Variants in AP2B1 observed in about 807,000 individuals in gnomAD.
AP2B1 encodes AP-2 complex subunit beta.
A neutral mutation model predicts 102.0 loss-of-function variants in AP2B1; 23 were observed. The observed-to-expected ratio is 0.23, with a 90% CI of 0.16 to 0.32. The LOEUF (loss-of-function observed/expected upper bound fraction) is 0.32, where lower values mean the gene tolerates loss of function less well. AP2B1 is among the 10% of genes least tolerant of loss of function. The pLI, the probability that AP2B1 is intolerant of heterozygous loss-of-function variation, is 1.00. For synonymous variants in AP2B1, 381 were observed against 421.2 expected (o/e 0.90, Z 1.17); for missense variants, 541 against 1,157.4 (o/e 0.47, Z 7.73).
At chr17:35,587,932 CAT>C (rs1320668910) in intron 1 of AP2B1, 4 of 152,048 alleles carry the variant, frequency 2.6e-5, no homozygotes, top group Non-Finnish European at 5.9e-5. Context: ...AATGGAGGAG[CAT>C]ATCGCTAGAA....
At chr17:35,604,111 T>C (rs1287709234) in intron 3 of AP2B1, among the ~76,000 whole-genome samples, 1 of 152,158 alleles carries the variant, frequency 6.6e-6, no homozygotes, top group Non-Finnish European at 1.5e-5. Context: ...ATTGTTATTT[T>C]TTATTTTTAT....
intron 9 of AP2B1, among the ~76,000 whole-genome samples, chr17:35,630,275 T>A (rs2074426359): frequency 6.6e-6 from 1 of 152,258 alleles, no homozygotes; most frequent in Non-Finnish European, 1.5e-5. Context: ...GCTAGCTCAC[T>A]TGATTCAGAT....
At chr17:35,648,457 A>G (rs1322146666) in intron 12 of AP2B1, among the ~76,000 whole-genome samples, 1 of 152,154 alleles carries the variant, frequency 6.6e-6, no homozygotes, top group Non-Finnish European at 1.5e-5. Flanking sequence ...CAGAGGTTGC[A>G]GTGAGCCGAG....
intron 5 of AP2B1, among the ~76,000 whole-genome samples, chr17:35,617,794 T>A (rs2074066229): frequency 6.6e-6 from 1 of 152,230 alleles, no homozygotes; most frequent in African/African-American, 2.4e-5. Flanking sequence ...AATAAGTGTT[T>A]TATTTTGTTC....
chr17:35,673,245 C>T, intron 16 of AP2B1, among the ~76,000 whole-genome samples: 1 of 152,160 alleles, frequency 6.6e-6, no homozygotes, highest in Non-Finnish European at 1.5e-5. Context: ...GAGTCTCACT[C>T]TGTCGCCCAG....
chr17:35,630,598 T>C (rs1459926469), intron 9 of AP2B1, among the ~76,000 whole-genome samples: 3 of 152,188 alleles, frequency 2.0e-5, no homozygotes, highest in Non-Finnish European at 4.4e-5. Context: ...TTATATCTTA[T>C]TCTGAAGTTC....
chr17:35,660,043 C>T (rs2142895097), intron 14 of AP2B1: 1 of 985,282 alleles, frequency 1.0e-6, no homozygotes, highest in Non-Finnish European at 1.2e-6. Flanking sequence ...AAGATTAATC[C>T]TCAAAGCCAT....
chr17:35,671,742 T>A lies in AP2B1; in HGVS notation c.2032-12T>A. 1 of 1,612,930 alleles carries A rather than the reference T, an allele frequency of 6.2e-7. No homozygotes were observed. The highest frequency in any genetic ancestry group is 1.1e-5 in the South Asian group (1 of 91,026). ...CCCAATCTCCCCTCTCCCTTTTTTT[T>A]TTCTCCTGCAGGTGGGACAATCCTT... On this transcript the variant is annotated splice_polypyrimidine_tract_variant and intron_variant, in intron 15 of 21. Coordinates refer to ENST00000610402, the MANE Select transcript of AP2B1 (RefSeq NM_001030006.2).
At chr17:35,641,810 T>C in intron 11 of AP2B1, 67 bp from the exon 12 acceptor site, 1 of 1,228,168 alleles carries the variant, frequency 8.1e-7, no homozygotes, top group Non-Finnish European at 1.2e-6. Flanking sequence ...AACACCACTT[T>C]GGAGATGATG....
intron 14 of AP2B1, among the ~76,000 whole-genome samples, chr17:35,667,010 C>A (rs1953925092): frequency 6.6e-6 from 1 of 152,182 alleles, no homozygotes; most frequent in Non-Finnish European, 1.5e-5. Flanking sequence ...TAGCTACTGT[C>A]TAGTTCAGGC....
intron 18 of AP2B1, among the ~76,000 whole-genome samples, chr17:35,689,221 C>A (rs902120835): frequency 2.0e-5 from 3 of 152,076 alleles, no homozygotes. Flanking sequence ...GCTGTGCCGC[C>A]CAGGCTGGAG....
At position 35,725,986 on chromosome 17, in the gene AP2B1, A is replaced by G. The variant is rs587629845; in HGVS notation, c.*2287A>G. 13 of 152,258 alleles carry G rather than the reference A, an allele frequency of 8.5e-5. No individual in the cohort carries two copies. The highest frequency in any genetic ancestry group is 4.6e-4 in the Admixed American group (7 of 15,290). 9.4% of individuals were successfully genotyped at this position (152,258 alleles called of 1,614,324 possible). A position where few individuals can be genotyped will look rare whatever the true frequency, so the allele number is the denominator to read the frequency against. ...CTGAGCAGAGTTAGGGAGGAATTCTACTTCCCATAAAAGGACCTCTCCTGA... is the reference window on the plus strand; with the variant it reads ...CTGAGCAGAGTTAGGGAGGAATTCTGCTTCCCATAAAAGGACCTCTCCTGA... On this transcript the variant is annotated 3_prime_UTR_variant, in exon 22 of 22. Coordinates refer to ENST00000610402, the MANE Select transcript of AP2B1 (RefSeq NM_001030006.2).
chr17:35,587,582 C>T (rs1037625151), intron 1 of AP2B1, 154 bp downstream of exon 1: 1 of 152,522 alleles, frequency 6.6e-6, no homozygotes, highest in African/African-American at 2.4e-5. Context: ...CGGGTGTGAC[C>T]ATTGAGAGGG....
intron 18 of AP2B1, among the ~76,000 whole-genome samples, chr17:35,692,902 A>G (rs1043518379): frequency 6.6e-6 from 1 of 152,144 alleles, no homozygotes; most frequent in African/African-American, 2.4e-5. Flanking sequence ...CAGTGTGTAC[A>G]TGAATACCAC....
chr17:35,604,771 A>C (rs2073611824), intron 3 of AP2B1, among the ~76,000 whole-genome samples: 1 of 152,200 alleles, frequency 6.6e-6, no homozygotes, highest in South Asian at 2.1e-4. Context: ...AAGAAAAAAA[A>C]GGATTCTTAA....
chr17:35,620,741 C>T (rs1016583416), intron 5 of AP2B1, among the ~76,000 whole-genome samples: 5 of 152,056 alleles, frequency 3.3e-5, no homozygotes, highest in African/African-American at 1.2e-4. Context: ...CACTTGAGTC[C>T]AGGAGTTTGA....
chr17:35,661,570 G>A (rs756673968), intron 14 of AP2B1, among the ~76,000 whole-genome samples: 2 of 152,092 alleles, frequency 1.3e-5, no homozygotes, highest in Non-Finnish European at 2.9e-5. Flanking sequence ...GTTATCCATC[G>A]TGTCAGAAGT....
chr17:35,701,172 T>TAC (rs10637605), intron 18 of AP2B1, among the ~76,000 whole-genome samples: 131,376 of 151,996 alleles, frequency 0.86, 57,111 homozygotes, highest in East Asian at 0.97. Context: ...ACATAGTGTA[T>TAC]ACACACACAA....
At chr17:35,693,152 G>T (rs113495585) in intron 18 of AP2B1, among the ~76,000 whole-genome samples, 5,060 of 152,050 alleles carry the variant, frequency 0.033, 201 homozygotes, top group East Asian at 0.14. Context: ...TAAGTAGCTG[G>T]GATTGCAGGT....
Sources: allele counts gnomAD v4.1 joint callset (sites outside exome capture counted in the v4.1 genomes callset), GRCh38; gene constraint gnomAD v4.1.1; transcripts MANE v1.5; gene names NCBI Gene and HGNC (gene_info 2026-07-23, HGNC 2026-07-21).